Variants in ADNP2 observed in about 807,000 individuals in gnomAD.
The protein encoded by ADNP2 is activity-dependent neuroprotector homeobox protein 2.
A neutral mutation model predicts 16.4 loss-of-function variants in ADNP2; 8 were observed. That is an observed-to-expected ratio of 0.49 (90% confidence interval 0.29 to 0.88). The LOEUF (loss-of-function observed/expected upper bound fraction) is 0.88. Ranked by LOEUF, ADNP2 falls within the 40% of genes least tolerant of loss-of-function variation. ADNP2 has a pLI of 0.09. For missense variants in ADNP2, 1,397 were observed against 1,395.1 expected, an observed-to-expected ratio of 1.00 and a Z score of -0.02; for synonymous variants, 637 against 545.8, an observed-to-expected ratio of 1.17 and a Z score of -2.33.
At chr18:80,134,447 T>A (rs1051702062) in intron 3 of ADNP2, among the ~76,000 whole-genome samples, 1 of 148,632 alleles carries the variant, frequency 6.7e-6, no homozygotes, top group African/African-American at 2.5e-5. Context: ...GCACACAGAT[T>A]TAGGAAAGGA....
Position 80,137,393 on chromosome 18 carries a change from C to T in ADNP2, c.1980C>T (p.Pro660=), listed in dbSNP as rs1356370330. 1.9e-6 allele frequency: 3 copies of T among 1,614,198 alleles called. No individual in the cohort carries two copies. Among genetic ancestry groups the T allele is most frequent in the Middle Eastern group, 1.6e-4 (1 of 6,062 alleles). ...TGGCCGGTTCCATGCCCGGCATGCC[C>T]TCTCCTCCAGTGCTGGTGAATGCTG... The part of the protein sequence containing the change: ...APMAGSMPGM[P]SPPVLVNAAQ... The change falls in exon 4 of 4, where the codon CCC becomes CCT. Residue 660 remains proline (P), a synonymous_variant. Transcript: ENST00000262198. This position sits in a 1 kb window ranked among gnomAD's most constrained non-coding sequence, Gnocchi z 4.2.
chr18:80,121,669 T>C (rs1481685558), intron 2 of ADNP2, among the ~76,000 whole-genome samples: 2 of 152,256 alleles, frequency 1.3e-5, no homozygotes, highest in Non-Finnish European at 2.9e-5. Flanking sequence ...GTTGTAGTTC[T>C]CATGTTAAGT....
intron 1 of ADNP2, chr18:80,109,965 G>T: frequency 6.5e-6 from 1 of 153,148 alleles, no homozygotes; most frequent in South Asian, 1.9e-4. Context: ...GCATCCCCGA[G>T]ACCGGGTTCT....
Position 80,136,377 on chromosome 18 carries a change from T to C in ADNP2, c.964T>C (p.Ser322Pro), listed in dbSNP as rs560454696. ...AQGAPGSLTH[S>P]PPAAGQSHMT... ...GGGTGCCCCTGGAAGCCTCACTCAT[T>C]CCCCCCCTGCTGCTGGCCAATCCCA... The change falls in exon 4 of 4, where the codon TCC (serine) becomes CCC (proline). Residue 322 changes from serine (S) to proline (P), a missense_variant. Ser to Pro is a moderately conservative substitution (Grantham distance 74, BLOSUM62 -1). Coordinates refer to ENST00000262198, the MANE Select transcript of ADNP2 (RefSeq NM_014913.4). The C allele has an allele frequency of 1.2e-6, 2 of 1,613,306 alleles. No homozygotes were observed. Among genetic ancestry groups the C allele is most frequent in the Admixed American group, 1.7e-5 (1 of 59,950 alleles).
At chr18:80,119,413 CAAAAA>C (rs5826687) in intron 2 of ADNP2, among the ~76,000 whole-genome samples, 1 of 113,684 alleles carries the variant, frequency 8.8e-6, no homozygotes, top group Non-Finnish European at 1.8e-5. Flanking sequence ...GACTCCGTCT[CAAAAA>C]AAAAAAAAAA....
intron 2 of ADNP2, among the ~76,000 whole-genome samples, chr18:80,131,036 T>C (rs957742129): frequency 1.1e-4 from 16 of 152,290 alleles, no homozygotes; most frequent in African/African-American, 3.8e-4. Context: ...TTGTAATTGT[T>C]TTGTCTTAGG....
intron 2 of ADNP2, among the ~76,000 whole-genome samples, chr18:80,132,698 C>T (rs971788621): frequency 6.7e-6 from 1 of 149,474 alleles, no homozygotes; most frequent in Non-Finnish European, 1.5e-5. Flanking sequence ...CTCTCCCCTC[C>T]CCTCTCCCCT....
chr18:80,121,892 A>G (rs562836871), intron 2 of ADNP2, among the ~76,000 whole-genome samples: 2 of 151,788 alleles, frequency 1.3e-5, no homozygotes, highest in African/African-American at 4.8e-5. Flanking sequence ...CCATTGATCT[A>G]TATGTCTATC....
chr18:80,135,423 C>T (rs2045857414), intron 3 of ADNP2, among the ~76,000 whole-genome samples, 189 bp from the exon 4 acceptor site: 1 of 152,092 alleles, frequency 6.6e-6, no homozygotes, highest in African/African-American at 2.4e-5. Flanking sequence ...CTGTATGGCC[C>T]ACAGTCCTAA....
chr18:80,137,770 C>T lies in ADNP2; in HGVS notation c.2357C>T (p.Ser786Leu). 1 of 1,614,212 alleles carries T rather than the reference C, an allele frequency of 6.2e-7. No homozygotes were observed. The highest frequency in any genetic ancestry group is 8.5e-7 in the Non-Finnish European group (1 of 1,180,036). Residue 786 changes from serine to leucine, a missense_variant, in exon 4 of 4, where the codon TCA becomes TTA. Coordinates refer to ENST00000262198, the MANE Select transcript of ADNP2 (RefSeq NM_014913.4). This position sits in a 1 kb window ranked among gnomAD's most constrained non-coding sequence, Gnocchi z 4.2. ...ACCTTCCATGATATCAAAGGTCTTTCAGAGCACAGCAGGAATAGGCACCTG... is the reference window on the plus strand; with the variant it reads ...ACCTTCCATGATATCAAAGGTCTTTTAGAGCACAGCAGGAATAGGCACCTG... The part of the protein sequence containing the change: ...PCTFHDIKGL[S>L]EHSRNRHLGK...
chr18:80,125,837 G>T (rs1036137941), intron 2 of ADNP2, among the ~76,000 whole-genome samples: 1 of 152,078 alleles, frequency 6.6e-6, no homozygotes, highest in Non-Finnish European at 1.5e-5. Flanking sequence ...ATTAAAAGAA[G>T]TTTATTGAAA....
intron 3 of ADNP2, among the ~76,000 whole-genome samples, chr18:80,134,386 AGTGTGTGTGTGTGTGTGT>A (rs34515123): frequency 6.8e-6 from 1 of 146,224 alleles, no homozygotes; most frequent in Non-Finnish European, 1.5e-5. Context: ...AGAATGGAAG[AGTGTGTGTGTGTGTGTGT>A]GTGTGTGTGT....
intron 2 of ADNP2, among the ~76,000 whole-genome samples, chr18:80,118,615 C>T (rs1435923504): frequency 6.6e-6 from 1 of 152,058 alleles, no homozygotes; most frequent in Non-Finnish European, 1.5e-5. Flanking sequence ...AGGTGGAATT[C>T]TGTTAGGAAA....
intron 1 of ADNP2, among the ~76,000 whole-genome samples, chr18:80,114,873 G>A (rs1407681696): frequency 6.6e-6 from 1 of 152,076 alleles, no homozygotes; most frequent in Non-Finnish European, 1.5e-5. Context: ...GGTAGTTGAT[G>A]TGGAACACCT....
chr18:80,137,620 C>T lies in ADNP2; in HGVS notation c.2207C>T (p.Ala736Val), dbSNP rs1374435001. Residue 736 changes from alanine (A) to valine (V), a missense_variant, in exon 4 of 4, where the codon GCA (alanine) becomes GTA (valine). This residue lies in a region of ADNP2 where 611 missense variants were observed against 648.7 expected (regional missense o/e 0.94). Coordinates refer to ENST00000262198, the MANE Select transcript of ADNP2 (RefSeq NM_014913.4). The surrounding 1 kb of genome is among the most constrained non-coding windows in gnomAD (Gnocchi z 4.2). ...KLEPEKLAAC[A>V]PFLKWMREKT... ...GAGCCTGAAAAACTGGCAGCGTGTG[C>T]ACCATTTCTAAAGTGGATGAGAGAG... is the stretch of plus-strand genomic sequence containing the variant. 2 of 1,614,192 alleles carry T rather than the reference C, an allele frequency of 1.2e-6. No individual in the cohort carries two copies. Among genetic ancestry groups the T allele is most frequent in the Non-Finnish European group, 1.7e-6 (2 of 1,180,028 alleles).
At chr18:80,120,410 C>T (rs1396746580) in intron 2 of ADNP2, among the ~76,000 whole-genome samples, 1 of 151,034 alleles carries the variant, frequency 6.6e-6, no homozygotes, top group Non-Finnish European at 1.5e-5. Flanking sequence ...TGGCTCCCTG[C>T]AGCCTTGATT....
rs1485390645 is a variant in ADNP2, at chr18:80,109,276, T to C, written c.-210T>C. On this transcript the variant is annotated 5_prime_UTR_variant, in exon 1 of 4. Coordinates refer to ENST00000262198, the MANE Select transcript of ADNP2 (RefSeq NM_014913.4). ...TTCCTGAGGCCAATCGAGCGCCATT[T>C]TCTCTTTCTGGCTGCGCGGGAGGAG... 6.6e-6 allele frequency: 1 copy of C among 151,922 alleles called. No homozygotes were observed. Among genetic ancestry groups the C allele is most frequent in the Non-Finnish European group, 1.5e-5 (1 of 67,970 alleles). The allele number at this position is 151,922 out of a possible 1,614,324, so 9.4% of individuals were successfully genotyped here. A position where few individuals can be genotyped will look rare whatever the true frequency, so the allele number is the denominator to read the frequency against.
Position 80,138,740 on chromosome 18 carries a change from A to G in ADNP2, c.3327A>G (p.Val1109=). The G allele has an allele frequency of 6.2e-7, 1 of 1,603,004 alleles. No homozygotes were observed. The highest frequency in any genetic ancestry group is 2.2e-5 in the East Asian group (1 of 44,832). The change falls in exon 4 of 4, where the codon GTA becomes GTG. Residue 1109 remains valine (V), a synonymous_variant. Transcript: ENST00000262198. ...CAATAAAAAATCACAAGCCTTCTGT[A>G]CTTTTAGGCTTTGATATGTCTGAAC... ...MKAIKNHKPS[V]LLGFDMSELK... is the part of the protein sequence containing the mutation.
intron 3 of ADNP2, among the ~76,000 whole-genome samples, chr18:80,134,001 CATTTTT>C (rs1172191211): frequency 1.3e-5 from 2 of 152,098 alleles, no homozygotes; most frequent in African/African-American, 4.8e-5. Context: ...CCCAGATAAG[CATTTTT>C]ATTTTTATTT....
Sources: gnomAD v4.1 joint callset for allele counts (sites outside exome capture counted in the v4.1 genomes callset) on GRCh38, gnomAD v4.1.1 for gene constraint, gnomAD v4.1.1 regional missense constraint, Gnocchi (gnomAD v3.1) non-coding constraint, MANE v1.5 for transcripts, NCBI Gene and HGNC (gene_info 2026-07-23, HGNC 2026-07-21) for gene names.